The following TRIM33 variants were observed in gnomAD, a reference collection of about 807,000 sequenced individuals.
TRIM33 encodes E3 ubiquitin-protein ligase TRIM33.
In TRIM33, 20 loss-of-function variants were observed where a neutral mutation model predicts 125.4. The observed-to-expected ratio is 0.16, with a 90% confidence interval of 0.11 to 0.23. TRIM33 has a LOEUF of 0.23. Ranked by LOEUF, TRIM33 falls within the 10% of genes least tolerant of loss-of-function variation. The pLI is 1.00. For synonymous variants in TRIM33, 564 were observed against 513.9 expected, an observed-to-expected ratio of 1.10 and a Z score of -1.32; for missense variants, 920 against 1,411.4, an observed-to-expected ratio of 0.65 and a Z score of 5.58.
rs752816848 is a variant in TRIM33 at position 114,410,248 on chromosome 1, G to A, written c.2130C>T (p.Pro710=). 13 of 1,613,868 alleles carry A rather than the reference G, an allele frequency of 8.1e-6. No individual in the cohort carries two copies. The South Asian group carries it at 1.2e-4, about 15-fold the overall frequency. Residue 710 remains proline, a synonymous_variant, in exon 12 of 20, where the codon CCC becomes CCT. Transcript: ENST00000358465. ...LSRYISGSHL[P]PQPTSTMNPS... ...GATTCATGGTGCTTGTAGGCTGTGGGGGTAGGTGACTGCCTGAGATGTATC... is the reference window on the plus strand; with the variant it reads ...GATTCATGGTGCTTGTAGGCTGTGGAGGTAGGTGACTGCCTGAGATGTATC...
At chr1:114,430,472 G>C (rs1470593413) in intron 6 of TRIM33, among the ~76,000 whole-genome samples, 3 of 152,078 alleles carry the variant, frequency 2.0e-5, no homozygotes, top group Non-Finnish European at 4.4e-5. Context: ...GGATCCCGGG[G>C]CTCAAGCGAT....
chr1:114,469,776 C>A (rs1179932287), intron 1 of TRIM33, among the ~76,000 whole-genome samples: 7 of 152,186 alleles, frequency 4.6e-5, no homozygotes, highest in African/African-American at 1.7e-4. Flanking sequence ...ATGTTGCCCA[C>A]TCTTACAAAA....
At chr1:114,481,639 A>ATATGTG (rs1553220465) in intron 1 of TRIM33, among the ~76,000 whole-genome samples, 32 of 142,338 alleles carry the variant, frequency 2.2e-4, no homozygotes, top group African/African-American at 7.6e-4. Flanking sequence ...CTATATATAT[A>ATATGTG]TGTGTGTGTG....
intron 1 of TRIM33, among the ~76,000 whole-genome samples, chr1:114,471,847 A>T (rs966283605): frequency 1.3e-5 from 2 of 152,214 alleles, no homozygotes; most frequent in African/African-American, 4.8e-5. Context: ...GTTATTTTAT[A>T]AAAAATTGAA....
intron 1 of TRIM33, among the ~76,000 whole-genome samples, chr1:114,506,677 C>T (rs1653024158): frequency 6.6e-6 from 1 of 152,068 alleles, no homozygotes; most frequent in African/African-American, 2.4e-5. Context: ...TATATATACC[C>T]ACTACTGATA....
intron 1 of TRIM33, among the ~76,000 whole-genome samples, chr1:114,466,025 A>G (rs1335478680): frequency 6.6e-6 from 1 of 151,894 alleles, no homozygotes; most frequent in Admixed American, 6.6e-5. Flanking sequence ...CTTGGGCGAC[A>G]GAGAGACTCG....
chr1:114,408,301 G>T lies in TRIM33; in HGVS notation c.2258+376C>A, dbSNP rs539154292. 1.2e-4 allele frequency among the ~76,000 whole-genome samples: 18 copies of T among 150,796 alleles called. No homozygotes were observed. In the East Asian group the frequency reaches 2.7e-3, roughly 23 times the overall value. On this transcript the variant is annotated intron_variant, in intron 13 of 19. Coordinates refer to ENST00000358465, the MANE Select transcript of TRIM33 (RefSeq NM_015906.4). ...GCATCTGATTCAAAGAAATCATCTG[G>T]TTTTTTTTTCAAAGGCATTTGTTGC...
At chr1:114,507,194 A>C (rs1653052217) in intron 1 of TRIM33, among the ~76,000 whole-genome samples, 1 of 152,270 alleles carries the variant, frequency 6.6e-6, no homozygotes, top group African/African-American at 2.4e-5. Flanking sequence ...AGAGCCCTTC[A>C]TTCAAGACAG....
intron 19 of TRIM33, 27 bp downstream of exon 19, chr1:114,397,913 C>A (rs770760015): frequency 5.0e-6 from 8 of 1,613,758 alleles, no homozygotes; most frequent in Non-Finnish European, 6.8e-6. Flanking sequence ...ATTCCTTCAC[C>A]AAGTTTGCAT....
intron 1 of TRIM33, among the ~76,000 whole-genome samples, chr1:114,480,036 A>G (rs899207910): frequency 6.6e-6 from 1 of 152,228 alleles, no homozygotes; most frequent in Non-Finnish European, 1.5e-5. Context: ...TGTGGAATAG[A>G]AAAGGGGGAA....
chr1:114,458,058 A>G (rs919642288), intron 4 of TRIM33, among the ~76,000 whole-genome samples: 5 of 152,248 alleles, frequency 3.3e-5, no homozygotes, highest in Non-Finnish European at 5.9e-5. Flanking sequence ...GTCTTTGCTC[A>G]TTCCCATATG....
chr1:114,463,258 AT>A, intron 3 of TRIM33, 22 bp from the exon 4 acceptor site: 1 of 1,575,100 alleles, frequency 6.3e-7, no homozygotes, highest in African/African-American at 1.4e-5. Context: ...TAAAACAAAT[AT>A]TTTTTAACCA....
At position 114,422,414 on chromosome 1, in the gene TRIM33, C is replaced by T. The variant is rs1647259862; in HGVS notation, c.1861-778G>A. Reference sequence around the variant, plus strand: ...GAAATACTTGAAGGCCTTCCATGAACTAAGGGGTACATGATTATGTGAAAA... The same window carrying T: ...GAAATACTTGAAGGCCTTCCATGAATTAAGGGGTACATGATTATGTGAAAA... On this transcript the variant is annotated intron_variant, in intron 10 of 19. Transcript: ENST00000358465. 2.6e-5 allele frequency among the ~76,000 whole-genome samples: 4 copies of T among 151,918 alleles called. No individual in the cohort carries two copies. In the South Asian group the frequency reaches 8.3e-4, roughly 32 times the overall value.
At chr1:114,470,445 T>C (rs1444061915) in intron 1 of TRIM33, among the ~76,000 whole-genome samples, 1 of 152,158 alleles carries the variant, frequency 6.6e-6, no homozygotes, top group South Asian at 2.1e-4. Context: ...CTGCGCCCAA[T>C]GAAAACAGCA....
chr1:114,501,183 C>A (rs1308196300), intron 1 of TRIM33, among the ~76,000 whole-genome samples: 1 of 60,742 alleles, frequency 1.6e-5, no homozygotes, highest in African/African-American at 9.1e-5. Flanking sequence ...GAGCGAGACT[C>A]CGTCTCAAAA....
At chr1:114,427,147 G>T in intron 8 of TRIM33, 30 bp downstream of exon 8, 1 of 1,108,374 alleles carries the variant, frequency 9.0e-7, no homozygotes, top group Non-Finnish European at 1.3e-6. Flanking sequence ...AGTGTTCCAA[G>T]TTATATTCAT....
chr1:114,400,252 AGTGCAGTG>A (rs1301074480), intron 17 of TRIM33, among the ~76,000 whole-genome samples: 1 of 152,184 alleles, frequency 6.6e-6, no homozygotes, highest in Non-Finnish European at 1.5e-5. Context: ...CCCAGGCTGG[AGTGCAGTG>A]GTGCAGTGGC....
At chr1:114,415,517 T>G (rs1379290981) in intron 11 of TRIM33, among the ~76,000 whole-genome samples, 1 of 152,106 alleles carries the variant, frequency 6.6e-6, no homozygotes, top group Non-Finnish European at 1.5e-5. Flanking sequence ...ATCTTTCAAG[T>G]CCAAATTTAA....
intron 1 of TRIM33, among the ~76,000 whole-genome samples, chr1:114,476,834 C>T (rs900909948): frequency 1.3e-5 from 2 of 151,954 alleles, no homozygotes; most frequent in Non-Finnish European, 2.9e-5. Flanking sequence ...GATTAGAAGA[C>T]GTTGCCATTT....
Sources: gnomAD v4.1 joint callset for allele counts (sites outside exome capture counted in the v4.1 genomes callset) on GRCh38, gnomAD v4.1.1 for gene constraint, MANE v1.5 for transcripts, NCBI Gene and HGNC (gene_info 2026-07-23, HGNC 2026-07-21) for gene names.